RBPJ: variants seen among roughly 807,000 people sequenced by gnomAD.
The protein encoded by RBPJ is recombining binding protein suppressor of hairless.
RBPJ carries 9 observed loss-of-function variants against 67.8 expected under a neutral mutation model. The ratio of observed to expected loss-of-function variants is 0.13; its 90% CI spans 0.08 to 0.23. RBPJ has a LOEUF of 0.23. Ranked by LOEUF, RBPJ falls within the 10% of genes least tolerant of loss-of-function variation. The pLI is 1.00. For synonymous variants in RBPJ, 198 were observed against 203.3 expected (o/e 0.97, Z 0.22); for missense variants, 305 against 595.6 (o/e 0.51, Z 5.08).
intron 1 of RBPJ, among the ~76,000 whole-genome samples, chr4:26,354,855 T>C (rs1413170274): frequency 6.6e-6 from 1 of 152,210 alleles, no homozygotes; most frequent in Non-Finnish European, 1.5e-5. Flanking sequence ...TTTTTTCCTT[T>C]GGGTACAAAT....
chr4:26,192,834 A>G (rs937642118), intron 1 of RBPJ, among the ~76,000 whole-genome samples: 1 of 152,234 alleles, frequency 6.6e-6, no homozygotes, highest in South Asian at 2.1e-4. Flanking sequence ...AAATGTCCAT[A>G]TCCTAGTCAC....
intron 2 of RBPJ, among the ~76,000 whole-genome samples, chr4:26,400,949 A>G (rs1331204347): frequency 6.6e-6 from 1 of 152,262 alleles, no homozygotes; most frequent in Non-Finnish European, 1.5e-5. Context: ...GTGTACTTGC[A>G]AAATTTGTGC....
the RBPJ span, among the ~76,000 whole-genome samples, chr4:26,109,163 G>A: frequency 1.3e-3 from 191 of 148,212 alleles, 1 homozygote; most frequent in Non-Finnish European, 2.2e-3. Flanking sequence ...GCTGGAGTGC[G>A]GTGGTGTGAT....
chr4:26,306,319 G>T (rs960285986), intron 1 of RBPJ, among the ~76,000 whole-genome samples: 2 of 152,040 alleles, frequency 1.3e-5, no homozygotes, highest in Non-Finnish European at 2.9e-5. Context: ...ACTTTTATCA[G>T]GTTGAGAAAG....
intron 2 of RBPJ, among the ~76,000 whole-genome samples, chr4:26,400,769 A>T (rs2109714874): frequency 6.6e-6 from 1 of 152,358 alleles, no homozygotes; most frequent in African/African-American, 2.4e-5. Context: ...GAAGGAAAAG[A>T]CGAGGAAAAC....
the RBPJ span, among the ~76,000 whole-genome samples, chr4:26,118,531 G>A: frequency 6.6e-6 from 1 of 152,196 alleles, no homozygotes; most frequent in South Asian, 2.1e-4. Context: ...ATACCAGCAG[G>A]CAGGTATGAA....
intron 1 of RBPJ, among the ~76,000 whole-genome samples, chr4:26,209,371 G>A (rs1718284016): frequency 6.6e-6 from 1 of 152,058 alleles, no homozygotes; most frequent in South Asian, 2.1e-4. Context: ...TTTTCGGTTT[G>A]TGTTTATGAT....
chr4:26,425,599 A>G (rs1416844858), intron 7 of RBPJ, among the ~76,000 whole-genome samples: 1 of 152,118 alleles, frequency 6.6e-6, no homozygotes, highest in Non-Finnish European at 1.5e-5. Context: ...ACAGAATGAG[A>G]TCCTATCTCA....
intron 1 of RBPJ, among the ~76,000 whole-genome samples, chr4:26,215,024 GAA>G (rs1184147058): frequency 1.6e-5 from 1 of 63,652 alleles, no homozygotes. Context: ...GAGAAAGAAA[GAA>G]AGAAAAGAAA....
chr4:26,320,450 TC>T (rs1173424426), upstream of RBPJ: 1 of 378,956 alleles, frequency 2.6e-6, no homozygotes, highest in African/African-American at 2.1e-5. Flanking sequence ...CCCAGACATC[TC>T]TGGCGCTCCT....
intron 3 of RBPJ, among the ~76,000 whole-genome samples, chr4:26,411,568 T>A (rs1236831804): frequency 1.9e-5 from 1 of 54,050 alleles, no homozygotes; most frequent in Non-Finnish European, 3.3e-5. Context: ...TGAAATAATT[T>A]AGAGTTGACT....
chr4:26,194,026 T>C (rs573265451), intron 1 of RBPJ, among the ~76,000 whole-genome samples: 3 of 152,286 alleles, frequency 2.0e-5, no homozygotes, highest in African/African-American at 7.2e-5. Context: ...GCTAATTCTA[T>C]CCATTCCTTC....
chr4:26,349,104 T>G (rs1360532859), intron 1 of RBPJ, among the ~76,000 whole-genome samples: 2 of 97,706 alleles, frequency 2.0e-5, no homozygotes, highest in South Asian at 3.5e-4. Context: ...GCGCACGCAC[T>G]TGCCAGGCTC....
chr4:26,431,184 T>TAAAAAAAAAAAAACAAAAA lies in RBPJ; in HGVS notation c.*190_*191insCAAAAAAAAAAAAAAAAAA, dbSNP rs1736189141. ...CTGATTTGAAATGCAGAAGCCACAGTAAAAAAAAAAAAAAAAAAAAAAAAA... is the reference window on the plus strand; with the variant it reads ...CTGATTTGAAATGCAGAAGCCACAGTAAAAAAAAAAAAACAAAAAAAAAAAAAAAAAAAAAAAAAAAAAA... On this transcript the variant is annotated 3_prime_UTR_variant, in exon 11 of 11. Transcript: ENST00000355476. The TAAAAAAAAAAAAACAAAAA allele has an allele frequency of 2.5e-5, 1 of 40,666 alleles. No individual in the cohort carries two copies. The highest frequency in any genetic ancestry group is 4.8e-5 in the Non-Finnish European group (1 of 20,674). The allele number at this position is 40,666 out of a possible 1,614,324, so 2.5% of individuals were successfully genotyped here.
chr4:26,146,051 C>A, the RBPJ span, among the ~76,000 whole-genome samples: 1 of 152,178 alleles, frequency 6.6e-6, no homozygotes, highest in East Asian at 1.9e-4. Flanking sequence ...ATCCTCCCAC[C>A]TCAGCCTCCT....
chr4:26,109,411 CCTCTCTCTCTCTCCCTCT>C, the RBPJ span, among the ~76,000 whole-genome samples: 653 of 48,686 alleles, frequency 0.013, 115 homozygotes, highest in African/African-American at 0.025. Context: ...TGTCCACCTT[CCTCTCTCTCTCTCCCTCT>C]CTCTCTCTCT....
intron 1 of RBPJ, among the ~76,000 whole-genome samples, chr4:26,198,614 G>A (rs1325032448): frequency 6.6e-6 from 1 of 152,164 alleles, no homozygotes; most frequent in Non-Finnish European, 1.5e-5. Flanking sequence ...CCTAATGACA[G>A]AGGAACTACT....
intron 1 of RBPJ, among the ~76,000 whole-genome samples, chr4:26,365,503 A>G (rs1728531293): frequency 1.3e-5 from 2 of 152,256 alleles, no homozygotes; most frequent in African/African-American, 4.8e-5. Context: ...AGCATGTATT[A>G]GCATAGAAAA....
Position 26,406,199 on chromosome 4 carries a change from A to G in RBPJ, c.84A>G (p.Lys28=). The G allele has an allele frequency of 6.2e-7, 1 of 1,611,940 alleles. No homozygotes were observed. Among genetic ancestry groups the G allele is most frequent in the Non-Finnish European group, 8.5e-7 (1 of 1,178,478 alleles). Residue 28 remains lysine, a synonymous_variant, in exon 3 of 11, where the codon AAA becomes AAG. Coordinates refer to ENST00000355476, the MANE Select transcript of RBPJ (RefSeq NM_015874.6). ...LTREAMRNYL[K]ERGDQTVLIL... is the part of the protein sequence containing the mutation. ...GGGAAGCTATGCGAAATTATTTAAAAGAGCGAGGGGATCAAACAGTACTTA... is the reference window on the plus strand; with the variant it reads ...GGGAAGCTATGCGAAATTATTTAAAGGAGCGAGGGGATCAAACAGTACTTA...
Sources: gnomAD v4.1 joint callset for allele counts (sites outside exome capture counted in the v4.1 genomes callset) on GRCh38, gnomAD v4.1.1 for gene constraint, MANE v1.5 for transcripts, NCBI Gene and HGNC (gene_info 2026-07-23, HGNC 2026-07-21) for gene names.